FNBP1: variants seen among roughly 807,000 people sequenced by gnomAD.
FNBP1 encodes the protein formin-binding protein 1.
Under a neutral mutation model 90.6 loss-of-function variants are expected in FNBP1, and 26 were observed. The ratio of observed to expected loss-of-function variants is 0.29; its 90% CI spans 0.21 to 0.40. The LOEUF is 0.40. Among genes scored for constraint, FNBP1 ranks in the 10% least tolerant of loss-of-function variants. The pLI is 1.00. For missense variants in FNBP1, 635 were observed against 768.0 expected (o/e 0.83, Z 2.05); for synonymous variants, 260 against 265.2 (o/e 0.98, Z 0.19).
chr9:129,920,595 C>A (rs1186767064), intron 10 of FNBP1, among the ~76,000 whole-genome samples: 1 of 152,158 alleles, frequency 6.6e-6, no homozygotes, highest in East Asian at 1.9e-4. Context: ...CCACAACGCC[C>A]AGCTTATCTT....
chr9:130,052,971 C>G, the FNBP1 span, among the ~76,000 whole-genome samples: 1 of 151,808 alleles, frequency 6.6e-6, no homozygotes, highest in Admixed American at 6.6e-5. Flanking sequence ...CAAAAATTAG[C>G]CGGGCGTGGT....
intron 12 of FNBP1, among the ~76,000 whole-genome samples, chr9:129,908,295 C>T (rs566175927): frequency 1.3e-5 from 2 of 151,224 alleles, no homozygotes; most frequent in African/African-American, 4.9e-5. Flanking sequence ...CCAGGACCTC[C>T]TGGGCTCAGG....
At chr9:129,897,689 G>A (rs1215599758) in intron 15 of FNBP1, among the ~76,000 whole-genome samples, 1 of 151,914 alleles carries the variant, frequency 6.6e-6, no homozygotes, top group Non-Finnish European at 1.5e-5. Flanking sequence ...CTGAACTCTT[G>A]GCCTCAGCCT....
chr9:129,946,606 CAGAAAAAGAACCATACA>C (rs993020464), intron 6 of FNBP1, among the ~76,000 whole-genome samples: 1 of 152,114 alleles, frequency 6.6e-6, no homozygotes, highest in Non-Finnish European at 1.5e-5. Flanking sequence ...GAGACTCTAG[CAGAAAAAGAACCATACA>C]AGTTAAATGA....
intron 1 of FNBP1, among the ~76,000 whole-genome samples, chr9:130,021,743 G>A (rs370368120): frequency 6.6e-6 from 1 of 152,106 alleles, no homozygotes; most frequent in African/African-American, 2.4e-5. Flanking sequence ...CCGCTGAACC[G>A]TTAAAGATCA....
intron 15 of FNBP1, among the ~76,000 whole-genome samples, chr9:129,897,396 C>T (rs2035965109): frequency 6.6e-6 from 1 of 152,084 alleles, no homozygotes; most frequent in Admixed American, 6.6e-5. Flanking sequence ...TGAAGTAAAA[C>T]TGGGAACGTT....
intron 15 of FNBP1, among the ~76,000 whole-genome samples, chr9:129,897,974 C>T (rs1159998398): frequency 1.3e-5 from 2 of 152,094 alleles, no homozygotes; most frequent in South Asian, 2.1e-4. Context: ...GGATTACAGG[C>T]GCCCGCCACC....
At chr9:129,895,760 A>G (rs1237764549) in intron 16 of FNBP1, 78 bp downstream of exon 16, 1 of 1,446,946 alleles carries the variant, frequency 6.9e-7, no homozygotes, top group Non-Finnish European at 9.0e-7. Context: ...TGCCTGTAAC[A>G]GTCATGGTTG....
chr9:129,978,789 A>G (rs779817057), intron 3 of FNBP1, among the ~76,000 whole-genome samples, 177 bp from the exon 4 acceptor site: 4 of 152,208 alleles, frequency 2.6e-5, no homozygotes, highest in Non-Finnish European at 5.9e-5. Context: ...ATTAATTACA[A>G]TTGAAACACT....
At position 129,892,366 on chromosome 9, in the gene FNBP1, G is replaced by GACACACACAC. The variant is rs3138855; in HGVS notation, c.1847-1830_1847-1821dup. Among the ~76,000 whole-genome samples, 703 of 103,442 alleles carry GACACACACAC rather than the reference G, an allele frequency of 6.8e-3. 13 individuals are homozygous for GACACACACAC. The highest frequency in any genetic ancestry group is 0.027 in the African/African-American group (647 of 23,746). The allele number at this position is 103,442 out of a possible 152,430, so 67.9% of individuals were successfully genotyped here. On this transcript the variant is annotated intron_variant, in intron 16 of 16. Coordinates refer to ENST00000446176, the MANE Select transcript of FNBP1 (RefSeq NM_015033.3). ...GCAATTATTAAATAAGCACATCGTAGACACACACACACACACACACACACA... is the reference window on the plus strand; with the variant it reads ...GCAATTATTAAATAAGCACATCGTAGACACACACACACACACACACACACACACACACACA...
intron 2 of FNBP1, among the ~76,000 whole-genome samples, chr9:129,984,807 G>C (rs1169534655): frequency 6.6e-6 from 1 of 152,054 alleles, no homozygotes. Flanking sequence ...GTTTATCAGG[G>C]GTTTCCGATT....
At chr9:129,902,726 C>T in intron 13 of FNBP1, 143 bp downstream of exon 13, 2 of 750,720 alleles carry the variant, frequency 2.7e-6, no homozygotes, top group South Asian at 3.8e-5. Flanking sequence ...TGTATTTTTC[C>T]TTTGACCATA....
intron 1 of FNBP1, among the ~76,000 whole-genome samples, chr9:130,021,832 G>A (rs188565666): frequency 4.3e-4 from 65 of 152,268 alleles, no homozygotes; most frequent in South Asian, 1.9e-3. Context: ...GCCCTTTGTC[G>A]TCTAAGAGAT....
chr9:129,914,267 G>A (rs1167151691), intron 11 of FNBP1, among the ~76,000 whole-genome samples: 2 of 151,580 alleles, frequency 1.3e-5, no homozygotes, highest in Non-Finnish European at 2.9e-5. Flanking sequence ...TGAGCTCCTG[G>A]GCTCAGGCAA....
intron 1 of FNBP1, among the ~76,000 whole-genome samples, chr9:130,022,230 G>A (rs2057905767): frequency 6.6e-6 from 1 of 151,222 alleles, no homozygotes; most frequent in African/African-American, 2.4e-5. Context: ...TTTTGAGACG[G>A]AGTCTCACTC....
chr9:129,901,893 C>T (rs961506696), intron 13 of FNBP1, among the ~76,000 whole-genome samples: 1 of 152,202 alleles, frequency 6.6e-6, no homozygotes, highest in Non-Finnish European at 1.5e-5. Context: ...GCCTGGGCAA[C>T]AGGGCGAGAC....
intron 11 of FNBP1, among the ~76,000 whole-genome samples, chr9:129,913,859 G>A (rs1027162907): frequency 2.8e-5 from 4 of 144,776 alleles, no homozygotes; most frequent in Admixed American, 2.2e-4. Context: ...TACTTTTTCA[G>A]ATTTTGGGTT....
chr9:129,908,095 C>T (rs763696706), intron 12 of FNBP1, among the ~76,000 whole-genome samples: 1 of 152,000 alleles, frequency 6.6e-6, no homozygotes, highest in Non-Finnish European at 1.5e-5. Flanking sequence ...TTCTCCCCAC[C>T]TCAGCCTCCC....
At chr9:129,991,420 G>A (rs1443471614) in intron 2 of FNBP1, among the ~76,000 whole-genome samples, 2 of 151,526 alleles carry the variant, frequency 1.3e-5, no homozygotes, top group South Asian at 2.1e-4. Flanking sequence ...ACAGGTGTGC[G>A]CCACCATGCC....
Sources: gnomAD v4.1 joint callset for allele counts (sites outside exome capture counted in the v4.1 genomes callset) on GRCh38, gnomAD v4.1.1 for gene constraint, MANE v1.5 for transcripts, NCBI Gene and HGNC (gene_info 2026-07-23, HGNC 2026-07-21) for gene names.